The following PSD3 variants were observed in gnomAD, a reference collection of about 807,000 sequenced individuals.
PSD3 encodes the protein PH and SEC7 domain-containing protein 3.
Under a neutral mutation model 105.5 loss-of-function variants are expected in PSD3, and 49 were observed. The ratio of observed to expected loss-of-function variants is 0.46; its 90% confidence interval spans 0.37 to 0.59. The LOEUF (loss-of-function observed/expected upper bound fraction) is 0.59. Among genes scored for constraint, PSD3 ranks in the 20% least tolerant of loss-of-function variants. The probability of loss-of-function intolerance (pLI) is 0.00; values close to 1 mark genes in which losing one functional copy is unlikely to be tolerated. For synonymous variants in PSD3, 557 were observed against 457.8 expected (o/e 1.22, Z -2.77); for missense variants, 1,561 against 1,263.8 (o/e 1.24, Z -3.57).
At chr8:18,560,203 C>CAT (rs1563322093) in intron 14 of PSD3, among the ~76,000 whole-genome samples, 1 of 151,542 alleles carries the variant, frequency 6.6e-6, no homozygotes, top group African/African-American at 2.4e-5. Flanking sequence ...CACACACACA[C>CAT]ACACACAAAC....
intron 11 of PSD3, among the ~76,000 whole-genome samples, chr8:18,618,049 A>G (rs960870854): frequency 2.0e-5 from 3 of 152,168 alleles, no homozygotes; most frequent in African/African-American, 4.8e-5. Flanking sequence ...TCTGAAGTCT[A>G]TTATTTAGAG....
chr8:18,816,088 C>T (rs1314689693), intron 4 of PSD3, among the ~76,000 whole-genome samples: 1 of 152,218 alleles, frequency 6.6e-6, no homozygotes, highest in Admixed American at 6.5e-5. Context: ...AAAGGGTCAT[C>T]TTCATCTGGG....
intron 15 of PSD3, among the ~76,000 whole-genome samples, chr8:18,554,783 A>T (rs942484284): frequency 6.6e-6 from 1 of 152,166 alleles, no homozygotes; most frequent in Non-Finnish European, 1.5e-5. Context: ...CAAGTACTGA[A>T]ACAGATGAAT....
rs114924210 is a variant in PSD3 at position 19,034,304 on chromosome 8, G to T, written c.324+49902C>A. ...TATAGCAAGAATACAATATAGAAAA[G>T]GTTAAAGGATTAAACTAGACGTCCT... On this transcript the variant is annotated intron_variant, in intron 1 of 1. Coordinates refer to the PSD3 transcript ENST00000521475. 2.2e-3 allele frequency among the ~76,000 whole-genome samples: 333 copies of T among 152,246 alleles called. 2 individuals are homozygous for T. The highest frequency in any genetic ancestry group is 3.9e-3 in the Admixed American group (59 of 15,286).
intron 10 of PSD3, among the ~76,000 whole-genome samples, chr8:18,642,228 C>T (rs190991566): frequency 1.8e-4 from 27 of 152,166 alleles, no homozygotes; most frequent in Non-Finnish European, 3.1e-4. Context: ...GGGGTCAAGC[C>T]ACATGTTAGG....
chr8:18,872,316 A>C lies in PSD3; in HGVS notation c.548T>G (p.Val183Gly), dbSNP rs768708253. 1.9e-6 allele frequency: 3 copies of C among 1,613,836 alleles called. No homozygotes were observed. Among genetic ancestry groups the C allele is most frequent in the Non-Finnish European group, 2.5e-6 (3 of 1,179,960 alleles). Residue 183 changes from valine to glycine, a missense_variant, in exon 3 of 16, where the codon GTC becomes GGC. Coordinates refer to ENST00000327040, the MANE Select transcript of PSD3 (RefSeq NM_015310.4). The part of the protein sequence containing the change: ...LDTASRKTQR[V>G]NKTLPAGQKN... ...TTGGCCAGCAGGGAGCGTTTTGTTG[A>C]CTCTCTGTGTTTTACGACTGGCAGT... is the stretch of plus-strand genomic sequence containing the variant.
intron 9 of PSD3, among the ~76,000 whole-genome samples, chr8:18,670,597 T>C (rs1308677599): frequency 6.6e-6 from 1 of 152,026 alleles, no homozygotes; most frequent in Non-Finnish European, 1.5e-5. Context: ...TTCACATACC[T>C]CAAGCACAAA....
intron 1 of PSD3, among the ~76,000 whole-genome samples, chr8:18,937,446 T>A (rs13275490): frequency 0.11 from 16,613 of 152,230 alleles, 996 homozygotes; most frequent in Middle Eastern, 0.24. Flanking sequence ...AGTATTTCTA[T>A]TCTATGCTTT....
At chr8:18,864,828 T>C (rs945815316) in intron 4 of PSD3, 2 of 152,120 alleles carry the variant, frequency 1.3e-5, no homozygotes, top group African/African-American at 4.8e-5. Context: ...GTCCACTTCC[T>C]TGCCTCGGCA....
chr8:18,738,069 G>A (rs1804285124), intron 9 of PSD3, among the ~76,000 whole-genome samples: 2 of 152,172 alleles, frequency 1.3e-5, no homozygotes, highest in South Asian at 4.1e-4. Flanking sequence ...GCAAAGGAAT[G>A]GAAATCAGGA....
At chr8:18,847,245 T>C (rs1013496698) in intron 4 of PSD3, among the ~76,000 whole-genome samples, 11 of 152,202 alleles carry the variant, frequency 7.2e-5, no homozygotes, top group Non-Finnish European at 1.3e-4. Flanking sequence ...ACTGTCCTGG[T>C]GCTTCCCTTC....
chr8:18,683,557 C>T (rs1044570941), intron 9 of PSD3, among the ~76,000 whole-genome samples: 1 of 152,234 alleles, frequency 6.6e-6, no homozygotes, highest in African/African-American at 2.4e-5. Context: ...CTTCCACAAA[C>T]TGGCTCTTTA....
intron 4 of PSD3, among the ~76,000 whole-genome samples, chr8:18,855,363 G>T (rs1213205440): frequency 1.3e-5 from 2 of 152,106 alleles, no homozygotes; most frequent in African/African-American, 2.4e-5. Flanking sequence ...CCACATGAAG[G>T]TTCTGTGCAC....
rs376657592 is a variant in PSD3 at position 18,600,458 on chromosome 8, A to T, written c.2411-24T>A. 192 of 1,544,164 alleles carry T rather than the reference A, an allele frequency of 1.2e-4. 5 individuals carry two copies. The highest frequency in any genetic ancestry group is 8.2e-4 in the South Asian group (70 of 84,942). On this transcript the variant is annotated intron_variant, in intron 11 of 15. Transcript: ENST00000327040. ...AGCTAGAAAGGGGGAAAAAATGTAA[A>T]ATTTTATTTGACATCAGCATTTTAG...
chr8:18,969,635 T>G (rs1351930617), intron 1 of PSD3, among the ~76,000 whole-genome samples: 1 of 152,258 alleles, frequency 6.6e-6, no homozygotes. Flanking sequence ...AATGTTCATC[T>G]TTAGGTAAAT....
intron 9 of PSD3, among the ~76,000 whole-genome samples, chr8:18,692,722 C>T (rs1285799014): frequency 6.6e-6 from 1 of 152,128 alleles, no homozygotes; most frequent in African/African-American, 2.4e-5. Context: ...TGGCTAGCTG[C>T]AAGAATTGTC....
At chr8:18,832,944 G>T (rs965515090) in intron 4 of PSD3, among the ~76,000 whole-genome samples, 17 of 152,164 alleles carry the variant, frequency 1.1e-4, no homozygotes, top group Non-Finnish European at 2.4e-4. Flanking sequence ...TGAGATTTGG[G>T]TGGGGACACA....
At chr8:18,643,951 C>T (rs139485674) in intron 10 of PSD3, among the ~76,000 whole-genome samples, 33 of 152,342 alleles carry the variant, frequency 2.2e-4, no homozygotes, top group East Asian at 1.5e-3. Context: ...GCTTACACCA[C>T]GGCTGGGGTA....
chr8:18,900,591 T>C (rs1400493415), intron 2 of PSD3, among the ~76,000 whole-genome samples: 4 of 151,248 alleles, frequency 2.6e-5, no homozygotes, highest in African/African-American at 7.3e-5. Flanking sequence ...TTAAGGTTTA[T>C]AGTAGTGAAC....
Sources: gnomAD v4.1 joint callset for allele counts (sites outside exome capture counted in the v4.1 genomes callset) on GRCh38, gnomAD v4.1.1 for gene constraint, MANE v1.5 for transcripts, NCBI Gene and HGNC (gene_info 2026-07-23, HGNC 2026-07-21) for gene names.